ANK2: variants seen among roughly 807,000 people sequenced by gnomAD.
The protein encoded by ANK2 is ankyrin-2.
In ANK2, 83 loss-of-function variants were observed where a neutral mutation model predicts 360.5. The ratio of observed to expected loss-of-function variants is 0.23; its 90% CI spans 0.19 to 0.28. The LOEUF is 0.28. ANK2 is among the 10% of genes least tolerant of loss of function. ANK2 has a pLI of 1.00. For missense variants in ANK2, 4,201 were observed against 4,795.7 expected (o/e 0.88, Z 3.66); for synonymous variants, 1,740 against 1,759.5 (o/e 0.99, Z 0.28).
chr4:113,105,360 C>G (rs974694947), intron 1 of ANK2, among the ~76,000 whole-genome samples: 2 of 152,188 alleles, frequency 1.3e-5, no homozygotes, highest in Non-Finnish European at 2.9e-5. Context: ...GTTGAAGAGA[C>G]TGTGGACCAG....
chr4:113,081,867 T>G (rs1055189952), intron 1 of ANK2, among the ~76,000 whole-genome samples: 1 of 151,524 alleles, frequency 6.6e-6, no homozygotes, highest in African/African-American at 2.4e-5. Flanking sequence ...TGGAGTGCAA[T>G]GGTGCAGTCT....
chr4:112,827,094 A>G, intron 1 of ANK2: 2 of 1,129,862 alleles, frequency 1.8e-6, no homozygotes, highest in East Asian at 2.3e-5. Flanking sequence ...AGGAAAAATT[A>G]TGAAGCCTTC....
At chr4:112,926,810 C>T (rs961981693) in intron 2 of ANK2, among the ~76,000 whole-genome samples, 1 of 152,154 alleles carries the variant, frequency 6.6e-6, no homozygotes, top group African/African-American at 2.4e-5. Flanking sequence ...TTAGCAAAAT[C>T]GTTTCAGTAT....
chr4:112,744,057 C>T, the ANK2 span, among the ~76,000 whole-genome samples: 1 of 151,298 alleles, frequency 6.6e-6, no homozygotes, highest in East Asian at 2.0e-4. Flanking sequence ...AGGCTGGTCT[C>T]GAATTCTGCC....
intron 2 of ANK2, among the ~76,000 whole-genome samples, chr4:112,987,752 T>C (rs767597260): frequency 6.6e-6 from 1 of 152,140 alleles, no homozygotes; most frequent in Non-Finnish European, 1.5e-5. Context: ...ATGTATTAGT[T>C]AGGCAATATA....
chr4:113,148,169 T>C (rs962799472), intron 1 of ANK2, among the ~76,000 whole-genome samples: 1 of 152,196 alleles, frequency 6.6e-6, no homozygotes, highest in Non-Finnish European at 1.5e-5. Context: ...TAGAACAGCA[T>C]AAAAAATGTA....
chr4:112,809,556 G>T, the ANK2 span, among the ~76,000 whole-genome samples: 1 of 84,828 alleles, frequency 1.2e-5, no homozygotes, highest in Non-Finnish European at 2.1e-5. Context: ...GCAAGACTCC[G>T]TCTAAAAAAA....
intron 2 of ANK2, among the ~76,000 whole-genome samples, chr4:112,965,598 T>TGA (rs902982729): frequency 6.6e-6 from 1 of 152,212 alleles, no homozygotes; most frequent in Admixed American, 6.5e-5. Context: ...TTTTGTAGTA[T>TGA]GAGGTCTGAG....
chr4:113,183,601 A>G (rs1428413107), intron 2 of ANK2, among the ~76,000 whole-genome samples: 1 of 152,184 alleles, frequency 6.6e-6, no homozygotes, highest in Admixed American at 6.5e-5. Flanking sequence ...GGCTCTAACT[A>G]TTAAGGATTG....
At chr4:113,280,857 T>C (rs1490368181) in intron 17 of ANK2, among the ~76,000 whole-genome samples, 2 of 152,230 alleles carry the variant, frequency 1.3e-5, no homozygotes, top group Admixed American at 1.3e-4. Context: ...GAGCCCATGC[T>C]GTAGGCAGTG....
At chr4:113,089,652 C>T (rs1295200585) in intron 1 of ANK2, among the ~76,000 whole-genome samples, 1 of 152,084 alleles carries the variant, frequency 6.6e-6, no homozygotes, top group African/African-American at 2.4e-5. Flanking sequence ...ATGGAGAAAC[C>T]TCGTGTCTAA....
At chr4:112,792,040 T>C in the ANK2 span, among the ~76,000 whole-genome samples, 74 of 140,422 alleles carry the variant, frequency 5.3e-4, no homozygotes, top group Non-Finnish European at 9.6e-4. Flanking sequence ...TTTCTTTTTT[T>C]TTTTTTTTTT....
intron 1 of ANK2, among the ~76,000 whole-genome samples, chr4:112,845,733 T>C (rs564961173): frequency 6.6e-6 from 1 of 152,348 alleles, no homozygotes; most frequent in East Asian, 1.9e-4. Context: ...GCACCACCAA[T>C]GTTAGTTTGG....
chr4:112,962,558 C>T (rs958693924), intron 2 of ANK2, among the ~76,000 whole-genome samples: 1 of 152,056 alleles, frequency 6.6e-6, no homozygotes, highest in South Asian at 2.1e-4. Context: ...GGGTATGTAC[C>T]CAGTAATGGG....
the ANK2 span, among the ~76,000 whole-genome samples, chr4:112,786,490 C>T: frequency 4.7e-3 from 702 of 150,152 alleles, 16 homozygotes; most frequent in East Asian, 0.036. Flanking sequence ...CTCTGCCTTC[C>T]GGTTTAAGTG....
chr4:113,383,224 G>A lies in ANK2; in HGVS notation c.*1753G>A, dbSNP rs796142821. On this transcript the variant is annotated 3_prime_UTR_variant, in exon 46 of 46. Coordinates refer to ENST00000357077, the MANE Select transcript of ANK2 (RefSeq NM_001148.6). ...TCAAAAACAAATGCGACAAACAATGGCACTTCATCATTTAAAGTAATGTTG... is the reference window on the plus strand; with the variant it reads ...TCAAAAACAAATGCGACAAACAATGACACTTCATCATTTAAAGTAATGTTG... 6 of 152,648 alleles carry A rather than the reference G, an allele frequency of 3.9e-5. No individual in the cohort carries two copies. Among genetic ancestry groups the A allele is most frequent in the African/African-American group, 1.4e-4 (6 of 41,520 alleles). The allele number at this position is 152,648 out of a possible 1,614,324, so 9.5% of individuals were successfully genotyped here.
chr4:112,810,369 T>A, the ANK2 span, among the ~76,000 whole-genome samples: 1 of 151,836 alleles, frequency 6.6e-6, no homozygotes, highest in African/African-American at 2.4e-5. Context: ...AATTAAATAA[T>A]TCTCTGCTAT....
the ANK2 span, among the ~76,000 whole-genome samples, chr4:112,806,190 C>T: frequency 5.3e-5 from 8 of 152,242 alleles, no homozygotes; most frequent in East Asian, 1.9e-4. Context: ...CATTAACCAT[C>T]GCCACATTTC....
Position 113,381,777 on chromosome 4 carries a change from T to A in ANK2, c.*306T>A. The A allele has an allele frequency of 1.1e-6, 1 of 932,620 alleles. No individual in the cohort carries two copies. Among genetic ancestry groups the A allele is most frequent in the Non-Finnish European group, 1.6e-6 (1 of 642,788 alleles). The allele number at this position is 932,620 out of a possible 1,614,324, so 57.8% of individuals were successfully genotyped here. On this transcript the variant is annotated 3_prime_UTR_variant, in exon 46 of 46. Transcript: ENST00000357077. ...CACTGTTAGCAAATATACGGCATTTTGCTTTAGTTTTCCCCCATCCTCTTT... is the reference window on the plus strand; with the variant it reads ...CACTGTTAGCAAATATACGGCATTTAGCTTTAGTTTTCCCCCATCCTCTTT...
Sources: allele counts gnomAD v4.1 joint callset (sites outside exome capture counted in the v4.1 genomes callset), GRCh38; gene constraint gnomAD v4.1.1; transcripts MANE v1.5; gene names NCBI Gene and HGNC (gene_info 2026-07-23, HGNC 2026-07-21).